Variants in HPN observed in about 807,000 individuals in gnomAD.
HPN encodes hepsin, also known as serine protease hepsin.
In HPN, 13 loss-of-function variants were observed where a neutral mutation model predicts 55.9. The ratio of observed to expected loss-of-function variants is 0.23; its 90% CI spans 0.15 to 0.37. HPN has a LOEUF of 0.37. HPN is among the 10% of genes least tolerant of loss of function. The pLI, the probability that HPN is intolerant of heterozygous loss-of-function variation, is 1.00. For synonymous variants in HPN, 225 were observed against 240.3 expected (o/e 0.94, Z 0.59); for missense variants, 451 against 575.8 (o/e 0.78, Z 2.22).
At chr19:35,042,002 G>A (rs906712870) in intron 1 of HPN, 130 bp downstream of exon 1, 27 of 1,172,990 alleles carry the variant, frequency 2.3e-5, no homozygotes, top group South Asian at 7.9e-5. Context: ...GCACTATGAC[G>A]TCCCCCCAAG....
chr19:35,052,858 A>G (rs1766963370), intron 4 of HPN, among the ~76,000 whole-genome samples: 1 of 152,172 alleles, frequency 6.6e-6, no homozygotes, highest in Non-Finnish European at 1.5e-5. Flanking sequence ...ACTGGGATGA[A>G]CTAGAGAGTC....
chr19:35,045,319 G>A (rs534203879), intron 2 of HPN, among the ~76,000 whole-genome samples: 3 of 152,246 alleles, frequency 2.0e-5, no homozygotes, highest in South Asian at 2.1e-4. Context: ...CCTCAGAGGC[G>A]GGAAGGAAAA....
chr19:35,041,700 C>T (rs1366827494), upstream of HPN: 29 of 1,122,330 alleles, frequency 2.6e-5, no homozygotes, highest in Non-Finnish European at 3.1e-5. Context: ...ACCCGCCCCT[C>T]GCCCAGCCCC....
intron 4 of HPN, among the ~76,000 whole-genome samples, chr19:35,051,502 C>A (rs541729873): frequency 6.6e-6 from 1 of 152,284 alleles, no homozygotes; most frequent in East Asian, 1.9e-4. Flanking sequence ...TCAGATCAGC[C>A]TCCCAAAGTG....
At chr19:35,048,527 A>G (rs2064370778) in intron 2 of HPN, among the ~76,000 whole-genome samples, 1 of 152,202 alleles carries the variant, frequency 6.6e-6, no homozygotes, top group African/African-American at 2.4e-5. Context: ...TTTAATAGAT[A>G]AGAAAGTTGA....
At chr19:35,041,966 G>A (rs1264682214) in intron 1 of HPN, 94 bp downstream of exon 1, 16 of 1,203,886 alleles carry the variant, frequency 1.3e-5, no homozygotes, top group Admixed American at 7.2e-5. Context: ...TCCTAATAGA[G>A]GGGTTCCTGG....
intron 7 of HPN, 75 bp downstream of exon 7, chr19:35,060,244 G>A (rs548008221): frequency 2.9e-4 from 469 of 1,607,846 alleles, no homozygotes; most frequent in Middle Eastern, 6.6e-4. Flanking sequence ...CCCCAGGATG[G>A]GGCCATGTAC....
Position 35,065,659 on chromosome 19 carries a change from A to G in HPN, c.1028A>G (p.Glu343Gly). 1 of 1,614,132 alleles carries G rather than the reference A, an allele frequency of 6.2e-7. No homozygotes were observed. The highest frequency in any genetic ancestry group is 8.5e-7 in the Non-Finnish European group (1 of 1,180,006). The change falls in exon 11 of 13, where the codon GAG (glutamate) becomes GGG (glycine). Residue 343 changes from glutamate to glycine, a missense_variant. Glu to Gly is a moderately conservative substitution (Grantham distance 98, BLOSUM62 -2). This residue lies in a region of HPN where 73 missense variants were observed against 130.3 expected (regional missense o/e 0.56). Coordinates refer to ENST00000672452, the MANE Select transcript of HPN (RefSeq NM_001384133.1). ...KPKMFCAGYPEGGIDACQGDS... is the reference protein window; with the variant it reads ...KPKMFCAGYPGGGIDACQGDS... ...AAGATGTTCTGTGCTGGCTACCCCGAGGGTGGCATTGATGCCTGCCAGGTG... is the reference window on the plus strand; with the variant it reads ...AAGATGTTCTGTGCTGGCTACCCCGGGGGTGGCATTGATGCCTGCCAGGTG...
intron 4 of HPN, among the ~76,000 whole-genome samples, chr19:35,057,056 A>AT: frequency 6.6e-6 from 1 of 152,214 alleles, no homozygotes; most frequent in East Asian, 1.9e-4. Flanking sequence ...ACAAAAGGGG[A>AT]TATGATTTAC....
chr19:35,045,684 G>A (rs529357284), intron 2 of HPN, among the ~76,000 whole-genome samples: 11 of 151,470 alleles, frequency 7.3e-5, no homozygotes, highest in Non-Finnish European at 1.3e-4. Context: ...GGGAGGATGA[G>A]GATGCGTCCC....
upstream of HPN, among the ~76,000 whole-genome samples, chr19:35,041,078 G>A (rs1852007370): frequency 6.6e-6 from 1 of 152,214 alleles, no homozygotes; most frequent in Non-Finnish European, 1.5e-5. Flanking sequence ...TCTGCCTGCG[G>A]ACGCTTCCGG....
chr19:35,050,392 G>T (rs2064391401), intron 4 of HPN: 2 of 700,870 alleles, frequency 2.9e-6, no homozygotes, highest in Non-Finnish European at 4.4e-6. Context: ...AAAGTGCTGG[G>T]ATTACAGGCA....
Position 35,042,467 on chromosome 19 carries a change from CAGG to C in HPN, c.-36_-34del, listed in dbSNP as rs747942514. On this transcript the variant is annotated 5_prime_UTR_variant, in exon 2 of 13. Coordinates refer to ENST00000672452, the MANE Select transcript of HPN (RefSeq NM_001384133.1). ...TCTCCTCACAGGTCCCACCCTGGCC[CAGG>C]AGGTCAGCCAGGGAATCATTAACAA... 9.6e-5 allele frequency: 153 copies of C among 1,596,632 alleles called. No individual in the cohort carries two copies. Among genetic ancestry groups the C allele is most frequent in the Non-Finnish European group, 1.2e-4 (143 of 1,172,030 alleles).
At chr19:35,049,824 ATCTC>A (rs1171507396) in intron 4 of HPN, among the ~76,000 whole-genome samples, 2 of 149,480 alleles carry the variant, frequency 1.3e-5, no homozygotes, top group Admixed American at 6.7e-5. Context: ...ATCACAGTAC[ATCTC>A]TCAGTAAGTA....
upstream of HPN, among the ~76,000 whole-genome samples, chr19:35,041,512 C>A (rs970708476): frequency 6.6e-6 from 1 of 152,114 alleles, no homozygotes; most frequent in Non-Finnish European, 1.5e-5. Context: ...CCCCAGCCTC[C>A]GGCCAGGCCT....
chr19:35,066,533 T>A lies in HPN; in HGVS notation c.*246T>A. On this transcript the variant is annotated 3_prime_UTR_variant, in exon 13 of 13. Coordinates refer to ENST00000672452, the MANE Select transcript of HPN (RefSeq NM_001384133.1). ...GGGACTCCTGTCTAGGTGCCCCTGATGACGGGATGCTCTTTAAATAATAAA... is the reference window on the plus strand; with the variant it reads ...GGGACTCCTGTCTAGGTGCCCCTGAAGACGGGATGCTCTTTAAATAATAAA... 1.8e-6 allele frequency: 1 copy of A among 561,230 alleles called. No individual in the cohort carries two copies. Among genetic ancestry groups the A allele is most frequent in the Non-Finnish European group, 3.2e-6 (1 of 317,454 alleles). The allele number at this position is 561,230 out of a possible 1,614,324, so 34.8% of individuals were successfully genotyped here. A position where few individuals can be genotyped will look rare whatever the true frequency, so the allele number is the denominator to read the frequency against.
upstream of HPN, among the ~76,000 whole-genome samples, chr19:35,040,956 G>A (rs925324386): frequency 6.6e-6 from 1 of 152,200 alleles, no homozygotes; most frequent in Non-Finnish European, 1.5e-5. Flanking sequence ...GACTGTGTCC[G>A]GCGTGTGGTT....
chr19:35,061,247 C>A (rs1321658041), intron 9 of HPN, among the ~76,000 whole-genome samples: 1 of 151,720 alleles, frequency 6.6e-6, no homozygotes, highest in Non-Finnish European at 1.5e-5. Flanking sequence ...CCTGTAATCC[C>A]AGCACTTTGG....
chr19:35,050,779 C>T (rs942486596), intron 4 of HPN, among the ~76,000 whole-genome samples: 3 of 152,044 alleles, frequency 2.0e-5, no homozygotes, highest in Non-Finnish European at 2.9e-5. Context: ...CCAACATCAA[C>T]ATTAATCATC....
Sources: gnomAD v4.1 joint callset for allele counts (sites outside exome capture counted in the v4.1 genomes callset) on GRCh38, gnomAD v4.1.1 for gene constraint, gnomAD v4.1.1 regional missense constraint, MANE v1.5 for transcripts, NCBI Gene and HGNC (gene_info 2026-07-23, HGNC 2026-07-21) for gene names.